The following OSBPL1A variants were observed in gnomAD, a reference collection of about 807,000 sequenced individuals.
OSBPL1A encodes the protein oxysterol binding protein like 1A, also known as oxysterol-binding protein-related protein 1.
OSBPL1A carries 80 observed loss-of-function variants against 137.1 expected under a neutral mutation model. The ratio of observed to expected loss-of-function variants is 0.58; its 90% CI spans 0.49 to 0.70. The LOEUF (loss-of-function observed/expected upper bound fraction) is 0.70, where lower values mean the gene tolerates loss of function less well. Among genes scored for constraint, OSBPL1A ranks in the 30% least tolerant of loss-of-function variants. The pLI, the probability that OSBPL1A is intolerant of heterozygous loss-of-function variation, is 0.00. For synonymous variants in OSBPL1A, 365 were observed against 389.7 expected (o/e 0.94, Z 0.75); for missense variants, 970 against 1,129.4 (o/e 0.86, Z 2.02).
chr18:24,253,173 G>GA lies in OSBPL1A; in HGVS notation c.1282-13792_1282-13791insT, dbSNP rs201967572. On this transcript the variant is annotated intron_variant, in intron 15 of 27. Transcript: ENST00000319481. ...CTCCAATGAAAAGACATGGCGGGGG[G>GA]GGGCGCTGAATGGATGAAAAAAACA... Among the ~76,000 whole-genome samples, 17 of 137,192 alleles carry GA rather than the reference G, an allele frequency of 1.2e-4. 3 individuals are homozygous for GA. The South Asian group carries it at 1.3e-3, about 11-fold the overall frequency. The allele number at this position is 137,192 out of a possible 152,430, so 90.0% of individuals were successfully genotyped here.
Position 24,391,081 on chromosome 18 carries a change from G to A in OSBPL1A, c.-3+6574C>T, listed in dbSNP as rs529542879. ...CACCACTTTGCACTACAGCCTGGGC[G>A]ACAAAGCAAGACTCTGTCTCAATCG... On this transcript the variant is annotated intron_variant, in intron 1 of 27. Transcript: ENST00000319481. 1.4e-4 allele frequency among the ~76,000 whole-genome samples: 21 copies of A among 152,142 alleles called. 1 individual carries two copies. Among genetic ancestry groups the A allele is most frequent in the South Asian group, 1.2e-3 (6 of 4,808 alleles).
chr18:24,370,816 C>T (rs569410061), intron 2 of OSBPL1A, among the ~76,000 whole-genome samples: 49 of 152,190 alleles, frequency 3.2e-4, no homozygotes, highest in African/African-American at 1.1e-3. Context: ...CACAGGCATG[C>T]GCCACCACAC....
At chr18:24,316,361 A>G (rs2090734756) in intron 11 of OSBPL1A, among the ~76,000 whole-genome samples, 1 of 152,182 alleles carries the variant, frequency 6.6e-6, no homozygotes. Flanking sequence ...AAATCCAATT[A>G]AAAGGCAAAA....
At chr18:24,166,263 C>T (rs1280107062) in intron 26 of OSBPL1A, among the ~76,000 whole-genome samples, 5 of 152,200 alleles carry the variant, frequency 3.3e-5, no homozygotes, top group Middle Eastern at 3.2e-3. Context: ...ACACTCTCCT[C>T]TGAGGCTGAC....
intron 15 of OSBPL1A, among the ~76,000 whole-genome samples, chr18:24,263,094 A>G (rs1412219281): frequency 6.6e-6 from 1 of 152,224 alleles, no homozygotes; most frequent in Non-Finnish European, 1.5e-5. Flanking sequence ...GCCCAGAAGG[A>G]CAATCACTTT....
intron 15 of OSBPL1A, among the ~76,000 whole-genome samples, chr18:24,270,193 A>G (rs2089683612): frequency 6.6e-6 from 1 of 152,264 alleles, no homozygotes; most frequent in Non-Finnish European, 1.5e-5. Flanking sequence ...TAGTAAGTTT[A>G]GCCAACCTTT....
intron 15 of OSBPL1A, among the ~76,000 whole-genome samples, chr18:24,247,035 T>C (rs1465106064): frequency 1.3e-5 from 2 of 152,092 alleles, no homozygotes; most frequent in Non-Finnish European, 2.9e-5. Flanking sequence ...AATTAAGTTT[T>C]TAAAATTAAA....
chr18:24,303,593 T>C (rs1199899557), intron 14 of OSBPL1A, 44 bp downstream of exon 14: 6 of 1,479,314 alleles, frequency 4.1e-6, no homozygotes, highest in Non-Finnish European at 3.8e-6. Context: ...GGTCAGTATC[T>C]ATGTGTTAAA....
chr18:24,301,386 T>C (rs1364782611), intron 14 of OSBPL1A: 2 of 152,262 alleles, frequency 1.3e-5, no homozygotes, highest in Admixed American at 1.3e-4. Flanking sequence ...AATTCTGATA[T>C]AATTTATCGA....
At chr18:24,228,138 G>C (rs2088148637) in intron 16 of OSBPL1A, among the ~76,000 whole-genome samples, 1 of 152,024 alleles carries the variant, frequency 6.6e-6, no homozygotes, top group Non-Finnish European at 1.5e-5. Context: ...GAACCCCTGC[G>C]TGGGACCACT....
chr18:24,258,384 T>C (rs2089345627), intron 15 of OSBPL1A, among the ~76,000 whole-genome samples: 1 of 152,126 alleles, frequency 6.6e-6, no homozygotes, highest in African/African-American at 2.4e-5. Flanking sequence ...AAGACAAACA[T>C]TGCATGTTCT....
intron 7 of OSBPL1A, among the ~76,000 whole-genome samples, chr18:24,322,949 T>G (rs1314363833): frequency 6.6e-6 from 1 of 152,242 alleles, no homozygotes; most frequent in African/African-American, 2.4e-5. Context: ...ATGTAATATT[T>G]AAAAGTTTGC....
intron 24 of OSBPL1A, among the ~76,000 whole-genome samples, chr18:24,169,856 G>T (rs1229529476): frequency 6.6e-6 from 1 of 152,206 alleles, no homozygotes; most frequent in East Asian, 1.9e-4. Context: ...AGTTTAGTAA[G>T]AGGAAAGCAG....
At chr18:24,355,339 TA>T (rs1225440820) in intron 4 of OSBPL1A, among the ~76,000 whole-genome samples, 1 of 150,960 alleles carries the variant, frequency 6.6e-6, no homozygotes, top group Non-Finnish European at 1.5e-5. Context: ...CCGTCTCTAC[TA>T]AAAATACAAA....
At position 24,333,144 on chromosome 18, in the gene OSBPL1A, T is replaced by A. The variant is rs2091114607; in HGVS notation, c.481-58A>T. 1.9e-6 allele frequency: 3 copies of A among 1,565,832 alleles called. No individual in the cohort carries two copies. In the Admixed American group the frequency reaches 5.1e-5, roughly 27 times the overall value. On this transcript the variant is annotated intron_variant, in intron 6 of 27. Transcript: ENST00000319481. ...ATATCAAAGATAGACTTTCCTCTCA[T>A]AATTCACAGGAGGGTGTATCAGCAG...
chr18:24,344,436 G>C (rs2091314297), intron 4 of OSBPL1A, among the ~76,000 whole-genome samples: 1 of 152,214 alleles, frequency 6.6e-6, no homozygotes, highest in Admixed American at 6.5e-5. Context: ...CTGGGCAACA[G>C]AGCAAGATTC....
intron 15 of OSBPL1A, among the ~76,000 whole-genome samples, chr18:24,275,485 G>A (rs923874518): frequency 6.6e-6 from 1 of 152,126 alleles, no homozygotes; most frequent in African/African-American, 2.4e-5. Context: ...GAGCTGTGAA[G>A]AACATTAGGG....
chr18:24,330,010 G>T (rs1233130320), intron 7 of OSBPL1A, among the ~76,000 whole-genome samples: 2 of 152,108 alleles, frequency 1.3e-5, no homozygotes, highest in Non-Finnish European at 2.9e-5. Context: ...ATCCACGACG[G>T]TACTTAAATG....
intron 17 of OSBPL1A, among the ~76,000 whole-genome samples, chr18:24,212,965 C>G (rs976058366): frequency 6.6e-6 from 1 of 152,144 alleles, no homozygotes; most frequent in African/African-American, 2.4e-5. Context: ...TTATAATGTA[C>G]CCTGTACCTA....
Sources: gnomAD v4.1 joint callset for allele counts (sites outside exome capture counted in the v4.1 genomes callset) on GRCh38, gnomAD v4.1.1 for gene constraint, MANE v1.5 for transcripts, NCBI Gene and HGNC (gene_info 2026-07-23, HGNC 2026-07-21) for gene names.